The following MAGI2 variants were observed in gnomAD, a reference collection of about 807,000 sequenced individuals.
MAGI2 encodes membrane associated guanylate kinase, WW and PDZ domain containing 2.
A neutral mutation model predicts 133.3 loss-of-function variants in MAGI2; 35 were observed. That is an observed-to-expected ratio of 0.26 (90% CI 0.20 to 0.35). MAGI2 has a LOEUF of 0.35. MAGI2 is among the 10% of genes least tolerant of loss of function. The probability of loss-of-function intolerance (pLI) is 1.00; values close to 1 mark genes in which losing one functional copy is unlikely to be tolerated. For synonymous variants in MAGI2, 729 were observed against 710.6 expected, an observed-to-expected ratio of 1.03 and a Z score of -0.41; for missense variants, 1,636 against 1,863.4, an observed-to-expected ratio of 0.88 and a Z score of 2.25.
intron 1 of MAGI2, among the ~76,000 whole-genome samples, chr7:79,037,478 G>A (rs1052302701): frequency 6.6e-6 from 1 of 151,998 alleles, no homozygotes; most frequent in Non-Finnish European, 1.5e-5. Context: ...TGTATGCTGT[G>A]GGCTTCATGT....
At chr7:79,190,099 G>C (rs1827521917) in intron 1 of MAGI2, among the ~76,000 whole-genome samples, 1 of 151,740 alleles carries the variant, frequency 6.6e-6, no homozygotes, top group Non-Finnish European at 1.5e-5. Flanking sequence ...TTTGTGCACA[G>C]TTTTTTTGTG....
At chr7:78,773,417 C>A (rs192855717) in intron 2 of MAGI2, among the ~76,000 whole-genome samples, 1 of 152,098 alleles carries the variant, frequency 6.6e-6, no homozygotes, top group African/African-American at 2.4e-5. Flanking sequence ...ACTCAAGGAA[C>A]AAACTGAAGT....
chr7:78,258,253 C>G (rs1793185900), intron 9 of MAGI2, among the ~76,000 whole-genome samples: 2 of 152,176 alleles, frequency 1.3e-5, no homozygotes, highest in East Asian at 3.8e-4. Context: ...ATTATAATTC[C>G]TCTTCAGACT....
chr7:79,382,746 G>T (rs1237028065), intron 1 of MAGI2, among the ~76,000 whole-genome samples: 1 of 151,458 alleles, frequency 6.6e-6, no homozygotes, highest in East Asian at 1.9e-4. Context: ...TATTGGAATA[G>T]GTTTTTTCAT....
intron 1 of MAGI2, among the ~76,000 whole-genome samples, chr7:79,213,321 C>G (rs1447611188): frequency 7.0e-6 from 1 of 143,160 alleles, no homozygotes; most frequent in African/African-American, 2.9e-5. Flanking sequence ...CACACGTACA[C>G]ACGTACACAC....
At chr7:79,156,717 T>G (rs1823814237) in intron 1 of MAGI2, among the ~76,000 whole-genome samples, 1 of 152,146 alleles carries the variant, frequency 6.6e-6, no homozygotes, top group African/African-American at 2.4e-5. Context: ...CCTGACCACC[T>G]TAGGCACATG....
chr7:78,153,750 T>A (rs1824117841), intron 16 of MAGI2, among the ~76,000 whole-genome samples: 1 of 152,238 alleles, frequency 6.6e-6, no homozygotes, highest in African/African-American at 2.4e-5. Context: ...ACTTAATACC[T>A]TATTTTCCAT....
intron 1 of MAGI2, among the ~76,000 whole-genome samples, chr7:79,219,814 T>A (rs1479629858): frequency 2.0e-5 from 3 of 152,028 alleles, no homozygotes; most frequent in Non-Finnish European, 4.4e-5. Flanking sequence ...ATCTGGACAC[T>A]GGAAATCTTT....
rs976328514 is a variant in MAGI2, at chr7:78,521,788, TTCTA to T, written c.539-147_539-144del. On this transcript the variant is annotated intron_variant, in intron 3 of 21. Transcript: ENST00000354212. ...GACACATACATATATATATATGGTT[TTCTA>T]TCTATGTGTCTCTCTATATATATAC... is the stretch of plus-strand genomic sequence containing the variant. 31 of 635,086 alleles carry T rather than the reference TTCTA, an allele frequency of 4.9e-5. No individual in the cohort carries two copies. The Middle Eastern group carries it at 2.1e-3, about 42-fold the overall frequency. The allele number at this position is 635,086 out of a possible 1,614,324, so 39.3% of individuals were successfully genotyped here. A position where few individuals can be genotyped will look rare whatever the true frequency, so the allele number is the denominator to read the frequency against.
At chr7:79,425,578 T>TTATATATATA (rs10639427) in intron 1 of MAGI2, among the ~76,000 whole-genome samples, 4 of 131,394 alleles carry the variant, frequency 3.0e-5, no homozygotes, top group South Asian at 4.5e-4. Context: ...AATAAGGGTT[T>TTATATATATA]TATATATATA....
At chr7:78,369,243 A>G in intron 6 of MAGI2, 30 bp from the exon 7 acceptor site, 2 of 1,421,132 alleles carry the variant, frequency 1.4e-6, no homozygotes, top group Non-Finnish European at 9.9e-7. Flanking sequence ...TTCAGTAAAT[A>G]AAGAATATCA....
intron 9 of MAGI2, among the ~76,000 whole-genome samples, chr7:78,287,459 T>C (rs1199816620): frequency 6.6e-6 from 1 of 152,180 alleles, no homozygotes; most frequent in African/African-American, 2.4e-5. Context: ...GAGCATATCA[T>C]GTAGACAATG....
intron 1 of MAGI2, among the ~76,000 whole-genome samples, chr7:79,408,746 T>TG (rs34044032): frequency 0.049 from 7,455 of 151,882 alleles, 337 homozygotes; most frequent in East Asian, 0.18. Flanking sequence ...AAAAAAGAGA[T>TG]GGGGGGGTCA....
intron 2 of MAGI2, among the ~76,000 whole-genome samples, chr7:78,787,842 T>C (rs951131359): frequency 6.6e-6 from 1 of 152,236 alleles, no homozygotes; most frequent in Non-Finnish European, 1.5e-5. Flanking sequence ...GTTCATCATA[T>C]GATTTTGTTA....
At chr7:79,144,101 A>AG (rs1317851173) in intron 1 of MAGI2, among the ~76,000 whole-genome samples, 1 of 152,196 alleles carries the variant, frequency 6.6e-6, no homozygotes, top group African/African-American at 2.4e-5. Context: ...CATTGTACTT[A>AG]CCTCATTGTT....
chr7:79,256,280 G>T (rs940935877), intron 1 of MAGI2, among the ~76,000 whole-genome samples: 1 of 152,084 alleles, frequency 6.6e-6, no homozygotes, highest in African/African-American at 2.4e-5. Context: ...ACTACAAATT[G>T]TTACTTTTAG....
At chr7:79,007,339 A>C in intron 1 of MAGI2, 133 bp from the exon 2 acceptor site, 2 of 575,436 alleles carry the variant, frequency 3.5e-6, no homozygotes, top group African/African-American at 1.9e-5. Flanking sequence ...TGATCTTCTC[A>C]AACATTTACT....
chr7:78,751,077 T>A (rs1381485311), intron 2 of MAGI2, among the ~76,000 whole-genome samples: 1 of 152,172 alleles, frequency 6.6e-6, no homozygotes, highest in Non-Finnish European at 1.5e-5. Context: ...AAAAAGAATA[T>A]GCTTCTAGAG....
chr7:78,757,494 AT>A (rs1197613781), intron 2 of MAGI2, among the ~76,000 whole-genome samples: 3 of 152,238 alleles, frequency 2.0e-5, no homozygotes, highest in Non-Finnish European at 4.4e-5. Context: ...AAACAAAAAA[AT>A]AAAGCAAAAT....
Sources: gnomAD v4.1 joint callset for allele counts (sites outside exome capture counted in the v4.1 genomes callset) on GRCh38, gnomAD v4.1.1 for gene constraint, MANE v1.5 for transcripts, NCBI Gene and HGNC (gene_info 2026-07-23, HGNC 2026-07-21) for gene names.